The following CLMN variants were observed in gnomAD, a reference collection of about 807,000 sequenced individuals.
CLMN encodes the protein calmin (calponin-like, transmembrane).
In CLMN, 57 loss-of-function variants were observed where a neutral mutation model predicts 92.7. The ratio of observed to expected loss-of-function variants is 0.61; its 90% CI spans 0.50 to 0.77. The LOEUF is 0.77. Ranked by LOEUF, CLMN falls within the 30% of genes least tolerant of loss-of-function variation. The probability of loss-of-function intolerance (pLI) is 0.00; values close to 1 mark genes in which losing one functional copy is unlikely to be tolerated. For missense variants in CLMN, 1,158 were observed against 1,237.5 expected (o/e 0.94, Z 0.96); for synonymous variants, 466 against 470.6 (o/e 0.99, Z 0.13).
intron 1 of CLMN, among the ~76,000 whole-genome samples, chr14:95,301,351 G>A (rs986210922): frequency 4.6e-5 from 7 of 152,248 alleles, no homozygotes; most frequent in Non-Finnish European, 1.0e-4. Context: ...GTGGAAATGC[G>A]GGGGGAATTT....
chr14:95,191,670 A>T lies in CLMN; in HGVS notation c.2903T>A (p.Leu968Gln), dbSNP rs1370096441. 6.2e-7 allele frequency: 1 copy of T among 1,613,626 alleles called. No individual in the cohort carries two copies. Among genetic ancestry groups the T allele is most frequent in the Non-Finnish European group, 8.5e-7 (1 of 1,179,974 alleles). Reference sequence around the variant, plus strand: ...ATCCGGCTGCTGGACAAGCTGTGTCAGGGAGTCACTCTGCGGGCTGTGGCT... The same window carrying T: ...ATCCGGCTGCTGGACAAGCTGTGTCTGGGAGTCACTCTGCGGGCTGTGGCT... The part of the protein sequence containing the change: ...LGSHSPQSDS[L>Q]TQLVQQPDMM... Residue 968 changes from leucine (L) to glutamine (Q), a missense_variant, in exon 13 of 13, where the codon CTG becomes CAG. By Grantham distance (113) the Leu-to-Gln change is moderately radical. Coordinates refer to ENST00000298912, the MANE Select transcript of CLMN (RefSeq NM_024734.4). This position sits in a 1 kb window ranked among gnomAD's most constrained non-coding sequence, Gnocchi z 5.3.
At position 95,206,429 on chromosome 14, in the gene CLMN, G is replaced by T. The variant is rs1452619440; in HGVS notation, c.886-1966C>A. Among the ~76,000 whole-genome samples, 3 of 151,908 alleles carry T rather than the reference G, an allele frequency of 2.0e-5. No homozygotes were observed. The East Asian group carries it at 5.8e-4, about 29-fold the overall frequency. On this transcript the variant is annotated intron_variant, in intron 8 of 12. Coordinates refer to ENST00000298912, the MANE Select transcript of CLMN (RefSeq NM_024734.4). ...ATTAACATATTAACAGCATATTAAAGAATACCAGTATTCTTTAACTGTATA... is the reference window on the plus strand; with the variant it reads ...ATTAACATATTAACAGCATATTAAATAATACCAGTATTCTTTAACTGTATA...
At chr14:95,212,028 A>T (rs1055912255) in intron 6 of CLMN, among the ~76,000 whole-genome samples, 6 of 152,222 alleles carry the variant, frequency 3.9e-5, no homozygotes, top group East Asian at 1.9e-4. Context: ...TTTTTGGTTG[A>T]TATTTATGTA....
chr14:95,254,249 C>T (rs532672440), intron 1 of CLMN, among the ~76,000 whole-genome samples: 1 of 152,316 alleles, frequency 6.6e-6, no homozygotes, highest in Non-Finnish European at 1.5e-5. Context: ...AGGCCACCCC[C>T]CAAGGTCAGC....
chr14:95,217,381 T>C (rs1294212318), intron 4 of CLMN, among the ~76,000 whole-genome samples: 1 of 152,228 alleles, frequency 6.6e-6, no homozygotes, highest in Admixed American at 6.5e-5. Context: ...CATTTAGGCC[T>C]GGGCTTGCCT....
intron 1 of CLMN, among the ~76,000 whole-genome samples, chr14:95,305,986 C>T (rs956614898): frequency 6.6e-6 from 1 of 152,182 alleles, no homozygotes; most frequent in Non-Finnish European, 1.5e-5. Context: ...TTCCCATGTG[C>T]AAATTCTCAG....
intron 9 of CLMN, among the ~76,000 whole-genome samples, chr14:95,201,911 A>G (rs1896894941): frequency 6.6e-6 from 1 of 152,112 alleles, no homozygotes; most frequent in East Asian, 1.9e-4. Flanking sequence ...GCATGAACTC[A>G]TTCTTTTTTA....
At chr14:95,308,281 C>T (rs1185512091) in intron 1 of CLMN, among the ~76,000 whole-genome samples, 1 of 152,218 alleles carries the variant, frequency 6.6e-6, no homozygotes, top group Non-Finnish European at 1.5e-5. Flanking sequence ...TGTGATAAGG[C>T]TCAGCAGCAA....
chr14:95,233,639 T>C (rs1003633914), intron 1 of CLMN, among the ~76,000 whole-genome samples: 1 of 152,150 alleles, frequency 6.6e-6, no homozygotes, highest in African/African-American at 2.4e-5. Context: ...CCACAAGGTG[T>C]ATATGCAAGG....
At chr14:95,274,396 C>A (rs1424682682) in intron 1 of CLMN, among the ~76,000 whole-genome samples, 2 of 152,164 alleles carry the variant, frequency 1.3e-5, no homozygotes, top group African/African-American at 2.4e-5. Context: ...ACCACCCCTG[C>A]CCATGCACAG....
chr14:95,295,511 G>A (rs1325865410), intron 1 of CLMN, among the ~76,000 whole-genome samples: 2 of 152,230 alleles, frequency 1.3e-5, no homozygotes, highest in East Asian at 1.9e-4. Flanking sequence ...AGAATGGCAA[G>A]AAGAAACTCT....
intron 4 of CLMN, among the ~76,000 whole-genome samples, chr14:95,219,956 C>T (rs1264260399): frequency 6.6e-6 from 1 of 152,164 alleles, no homozygotes; most frequent in Non-Finnish European, 1.5e-5. Flanking sequence ...TACCACCCCT[C>T]ATCCCCCTGT....
intron 1 of CLMN, among the ~76,000 whole-genome samples, chr14:95,317,870 AT>A (rs1173557146): frequency 1.3e-5 from 2 of 152,160 alleles, no homozygotes; most frequent in African/African-American, 2.4e-5. Context: ...TTAAAAATTT[AT>A]TTTTTTAATG....
rs760358687 is a variant in CLMN, at chr14:95,203,019, G to C, written c.2330C>G (p.Ser777Cys). 12 of 1,614,152 alleles carry C rather than the reference G, an allele frequency of 7.4e-6. No individual in the cohort carries two copies. The South Asian group carries it at 1.2e-4, about 16-fold the overall frequency. The change falls in exon 9 of 13, where the codon TCT (serine) becomes TGT (cysteine). Residue 777 changes from serine to cysteine, a missense_variant. Coordinates refer to ENST00000298912, the MANE Select transcript of CLMN (RefSeq NM_024734.4). ...LDSREEEADG[S>C]QSSSSSSVPG... is the part of the protein sequence containing the mutation. ...CACCGAGGAACTGGAGCTGCTCTGA[G>C]AGCCATCGGCCTCCTCCTCCCTGGA...
At chr14:95,288,434 T>C (rs528492923) in intron 1 of CLMN, among the ~76,000 whole-genome samples, 1 of 152,264 alleles carries the variant, frequency 6.6e-6, no homozygotes, top group South Asian at 2.1e-4. Flanking sequence ...GAATAGCAGA[T>C]GCAAAGGCCG....
chr14:95,308,496 G>A (rs1228570241), intron 1 of CLMN, among the ~76,000 whole-genome samples: 1 of 152,084 alleles, frequency 6.6e-6, no homozygotes, highest in Non-Finnish European at 1.5e-5. Context: ...CTGATTCCTG[G>A]TTCTACCACT....
At chr14:95,230,887 T>C (rs1040863305) in intron 1 of CLMN, among the ~76,000 whole-genome samples, 1 of 152,216 alleles carries the variant, frequency 6.6e-6, no homozygotes, top group African/African-American at 2.4e-5. Context: ...TGAGCCAATG[T>C]GAACCGAAGG....
intron 1 of CLMN, among the ~76,000 whole-genome samples, chr14:95,232,440 GC>G (rs1408891420): frequency 6.6e-6 from 1 of 152,132 alleles, no homozygotes; most frequent in Non-Finnish European, 1.5e-5. Flanking sequence ...TTTCCTCTTG[GC>G]CTCATTATTT....
intron 4 of CLMN, among the ~76,000 whole-genome samples, chr14:95,220,169 C>CTTTTTTTTTTT (rs767326601): frequency 5.6e-5 from 4 of 71,798 alleles, no homozygotes; most frequent in Non-Finnish European, 9.8e-5. Flanking sequence ...GGATAGGTCC[C>CTTTTTTTTTTT]TTTTTTTTTT....
Sources: allele counts gnomAD v4.1 joint callset (sites outside exome capture counted in the v4.1 genomes callset), GRCh38; gene constraint gnomAD v4.1.1; non-coding constraint Gnocchi (gnomAD v3.1); transcripts MANE v1.5; gene names NCBI Gene and HGNC (gene_info 2026-07-23, HGNC 2026-07-21).